GDPD2: variants seen among roughly 807,000 people sequenced by gnomAD.
GDPD2 encodes glycerophosphodiester phosphodiesterase 3.
GDPD2 carries 23 observed loss-of-function variants against 49.2 expected under a neutral mutation model. The observed-to-expected ratio is 0.47, with a 90% CI of 0.34 to 0.66. The LOEUF (loss-of-function observed/expected upper bound fraction) is 0.66, where lower values mean the gene tolerates loss of function less well. Among genes scored for constraint, GDPD2 ranks in the 30% least tolerant of loss-of-function variants. The pLI, the probability that GDPD2 is intolerant of heterozygous loss-of-function variation, is 0.01. For synonymous variants in GDPD2, 167 were observed against 171.4 expected, an observed-to-expected ratio of 0.97 and a Z score of 0.20; for missense variants, 338 against 424.7, an observed-to-expected ratio of 0.80 and a Z score of 1.79.
intron 10 of GDPD2, among the ~76,000 whole-genome samples, chrX:70,428,681 C>G (rs1413937510): frequency 8.9e-6 from 1 of 112,293 alleles, no homozygotes; most frequent in African/African-American, 3.2e-5. Flanking sequence ...ATTTCTTAGT[C>G]TCTCTGTGCC....
intron 8 of GDPD2, 34 bp downstream of exon 8, chrX:70,427,045 A>G: frequency 6.9e-6 from 4 of 576,067 alleles, no homozygotes; most frequent in Non-Finnish European, 8.3e-6. Context: ...GAGGGTGGGG[A>G]GGGTCTGCTC....
chrX:70,425,945 AG>A (rs2086419427), intron 4 of GDPD2, 89 bp downstream of exon 4: 1 of 877,234 alleles, frequency 1.1e-6, no homozygotes, highest in Non-Finnish European at 1.7e-6. Context: ...CCACTGAGGG[AG>A]GGGGCTAATT....
intron 4 of GDPD2, 61 bp downstream of exon 4, chrX:70,425,917 TC>T: frequency 1.1e-6 from 1 of 895,025 alleles, no homozygotes; most frequent in Middle Eastern, 2.7e-4. Flanking sequence ...TAGTTTTAGC[TC>T]CCTATTCTCA....
At chrX:70,424,427 A>G (rs1194566222) in intron 1 of GDPD2, among the ~76,000 whole-genome samples, 1 of 111,978 alleles carries the variant, frequency 8.9e-6, no homozygotes, top group African/African-American at 3.2e-5. Flanking sequence ...AATAATCTCT[A>G]TAACCATAGC....
chrX:70,432,646 C>A lies in GDPD2; in HGVS notation c.1523C>A (p.Thr508Asn), dbSNP rs755436949. 5 of 1,192,605 alleles carry A rather than the reference C, an allele frequency of 4.2e-6. No homozygotes were observed. The South Asian group carries it at 8.8e-5, about 21-fold the overall frequency. Reference protein sequence around the residue: ...NCVSTMLLLWTFLLQRRFVKK... With the variant: ...NCVSTMLLLWNFLLQRRFVKK... ...GTTTCCACCATGCTGCTTTTGTGGA[C>A]CTTCCTCCTCCAAAGGTGAGTGCTT... The change falls in exon 14 of 16, where the codon ACC (threonine) becomes AAC (asparagine). Residue 508 changes from threonine (T) to asparagine (N), a missense_variant. Physicochemically the swap from Thr to Asn is moderately conservative, Grantham distance 65 (BLOSUM62 0). Coordinates refer to ENST00000374382, the MANE Select transcript of GDPD2 (RefSeq NM_017711.4).
chrX:70,426,498 G>A (rs1270388566), intron 6 of GDPD2, 29 bp downstream of exon 6: 25 of 1,155,050 alleles, frequency 2.2e-5, no homozygotes, highest in Non-Finnish European at 2.6e-5. Flanking sequence ...GTGTCTAGAC[G>A]GGAGCCTTGG....
At chrX:70,432,690 G>C in intron 14 of GDPD2, 29 bp downstream of exon 14, 1 of 1,070,575 alleles carries the variant, frequency 9.3e-7, no homozygotes, top group Non-Finnish European at 1.3e-6. Flanking sequence ...AGCTTTCTGG[G>C]TCCTTACTTT....
chrX:70,432,459 G>A lies in GDPD2; in HGVS notation c.1455+5G>A. The A allele has an allele frequency of 8.3e-7, 1 of 1,207,529 alleles. No individual in the cohort carries two copies. Among genetic ancestry groups the A allele is most frequent in the Non-Finnish European group, 1.1e-6 (1 of 892,050 alleles). ...CGTTACCCTATCTGGCTTATTGTAA[G>A]GGCTCTGGGACTGTCACCTCTCCTC... On this transcript the variant is annotated splice_donor_5th_base_variant and intron_variant, in intron 13 of 15. Coordinates refer to ENST00000374382, the MANE Select transcript of GDPD2 (RefSeq NM_017711.4).
At chrX:70,431,704 C>T (rs1256601460) in intron 12 of GDPD2, among the ~76,000 whole-genome samples, 1 of 112,197 alleles carries the variant, frequency 8.9e-6, no homozygotes, top group African/African-American at 3.2e-5. Flanking sequence ...GGCAACATAG[C>T]AAAACCCCGT....
chrX:70,433,174 G>A lies in GDPD2; in HGVS notation c.*88G>A, dbSNP rs2086494372. The stretch of plus-strand genomic sequence containing the variant: ...GTGGCTTAAGTGGAATGCTTCAGGG[G>A]TGGTGGGTTGCAAGTGGGGGGAGCT... On this transcript the variant is annotated 3_prime_UTR_variant, in exon 16 of 16. Transcript: ENST00000374382. 3 of 747,429 alleles carry A rather than the reference G, an allele frequency of 4.0e-6. No individual in the cohort carries two copies. Among genetic ancestry groups the A allele is most frequent in the Non-Finnish European group, 6.1e-6 (3 of 491,726 alleles). 61.6% of individuals were successfully genotyped at this position (747,429 alleles called of 1,213,427 possible).
In GDPD2 at chrX:70,425,102, TG is replaced by T; in HGVS notation, c.105+15del. 1 of 1,118,409 alleles carries T rather than the reference TG, an allele frequency of 8.9e-7. No individual in the cohort carries two copies. Among genetic ancestry groups the T allele is most frequent in the Non-Finnish European group, 1.2e-6 (1 of 820,027 alleles). 92.2% of individuals were successfully genotyped at this position (1,118,409 alleles called of 1,213,427 possible). A position where few individuals can be genotyped will look rare whatever the true frequency, so the allele number is the denominator to read the frequency against. On this transcript the variant is annotated intron_variant, in intron 2 of 15. Coordinates refer to ENST00000374382, the MANE Select transcript of GDPD2 (RefSeq NM_017711.4). Reference sequence around the variant, plus strand: ...GCAAACCAGCAAGGTGGAGTAGGGATGGAGGGGGGAGGCTGGAAGTCAGAAG... The same window carrying T: ...GCAAACCAGCAAGGTGGAGTAGGGATGAGGGGGGAGGCTGGAAGTCAGAAG...
Position 70,426,542 on chromosome X carries a change from G to A in GDPD2, c.462+73G>A, listed in dbSNP as rs990797016. On this transcript the variant is annotated intron_variant, in intron 6 of 15. Coordinates refer to ENST00000374382, the MANE Select transcript of GDPD2 (RefSeq NM_017711.4). ...CAACCCTAGAACATATCTCGCTCCT[G>A]TTCCCCCAAGACTGCAGGTAGCTCT... is the stretch of plus-strand genomic sequence containing the variant. The A allele has an allele frequency of 4.7e-6, 5 of 1,058,013 alleles. No individual in the cohort carries two copies. In the African/African-American group the frequency reaches 7.3e-5, roughly 16 times the overall value. The allele number at this position is 1,058,013 out of a possible 1,213,427, so 87.2% of individuals were successfully genotyped here. A position where few individuals can be genotyped will look rare whatever the true frequency, so the allele number is the denominator to read the frequency against.
intron 4 of GDPD2, 60 bp downstream of exon 4, chrX:70,425,916 C>T: frequency 1.1e-6 from 1 of 893,072 alleles, no homozygotes; most frequent in Non-Finnish European, 1.7e-6. Context: ...TTAGTTTTAG[C>T]TCCCTATTCT....
rs766267643 is a variant in GDPD2, at chrX:70,429,681, G to C, written c.1125G>C (p.Glu375Asp). 7.4e-6 allele frequency: 9 copies of C among 1,208,054 alleles called. No homozygotes were observed. The highest frequency in any genetic ancestry group is 1.0e-5 in the Non-Finnish European group (9 of 892,437). The change falls in exon 11 of 16, where the codon GAG becomes GAC. Residue 375 changes from glutamate (E) to aspartate (D), a missense_variant. Glu to Asp is a conservative substitution (Grantham distance 45). Coordinates refer to ENST00000374382, the MANE Select transcript of GDPD2 (RefSeq NM_017711.4). ...YYDTFVIQTLETVLNARVPQA... is the reference protein window; with the variant it reads ...YYDTFVIQTLDTVLNARVPQA... ...ACACTTTTGTGATCCAGACATTGGA[G>C]ACTGTGCTGAATGCAAGGGTGCCCC... is the stretch of plus-strand genomic sequence containing the variant.
chrX:70,432,669 C>G lies in GDPD2; in HGVS notation c.1538+8C>G. 1 of 1,158,799 alleles carries G rather than the reference C, an allele frequency of 8.6e-7. No homozygotes were observed. Among genetic ancestry groups the G allele is most frequent in the Non-Finnish European group, 1.2e-6 (1 of 847,335 alleles). On this transcript the variant is annotated splice_region_variant and intron_variant, in intron 14 of 15. Transcript: ENST00000374382. Reference sequence around the variant, plus strand: ...GACCTTCCTCCTCCAAAGGTGAGTGCTTTGTGCCTCAGCTTTCTGGGTCCT... The same window carrying G: ...GACCTTCCTCCTCCAAAGGTGAGTGGTTTGTGCCTCAGCTTTCTGGGTCCT...
At chrX:70,432,266 A>G (rs771965537) in intron 12 of GDPD2, 41 bp from the exon 13 acceptor site, 6 of 1,160,415 alleles carry the variant, frequency 5.2e-6, no homozygotes, top group South Asian at 3.7e-5. Flanking sequence ...CCTGTGCACC[A>G]TGATTCTGGA....
At chrX:70,431,501 C>T in intron 12 of GDPD2, among the ~76,000 whole-genome samples, 1 of 112,660 alleles carries the variant, frequency 8.9e-6, no homozygotes, top group Non-Finnish European at 1.9e-5. Flanking sequence ...TGGGATGTAA[C>T]ATTGCCGAAG....
At chrX:70,423,892 C>T (rs2086399030) in intron 1 of GDPD2, among the ~76,000 whole-genome samples, 1 of 111,657 alleles carries the variant, frequency 9.0e-6, no homozygotes, top group South Asian at 3.8e-4. Flanking sequence ...TGTCCCTCAG[C>T]CCGCACGCAC....
In GDPD2 at chrX:70,424,265, G is replaced by C. The variant is rs150020539; in HGVS notation, c.-9-711G>C. On this transcript the variant is annotated intron_variant, in intron 1 of 15. Coordinates refer to ENST00000374382, the MANE Select transcript of GDPD2 (RefSeq NM_017711.4). Reference sequence around the variant, plus strand: ...CTGGGCAGGAAAGGGCAGGACTTGAGGGGAGGCTCTGTATTTTGAAAATCC... The same window carrying C: ...CTGGGCAGGAAAGGGCAGGACTTGACGGGAGGCTCTGTATTTTGAAAATCC... 5.0e-3 allele frequency among the ~76,000 whole-genome samples: 559 copies of C among 111,480 alleles called. 7 individuals carry two copies. Among genetic ancestry groups the C allele is most frequent in the African/African-American group, 0.018 (542 of 30,671 alleles).
Sources: gnomAD v4.1 joint callset for allele counts (sites outside exome capture counted in the v4.1 genomes callset) on GRCh38, gnomAD v4.1.1 for gene constraint, MANE v1.5 for transcripts, NCBI Gene and HGNC (gene_info 2026-07-23, HGNC 2026-07-21) for gene names.